The following CSAG1 variants were observed in gnomAD, a reference collection of about 807,000 sequenced individuals.
The protein encoded by CSAG1 is chondrosarcoma associated gene 1, also known as chondrosarcoma-associated gene 1 protein.
Under a neutral mutation model 4.8 loss-of-function variants are expected in CSAG1, and 4 were observed. The observed-to-expected ratio is 0.83, with a 90% CI of 0.41 to 1.90. The LOEUF is 1.90. Ranked by LOEUF, CSAG1 falls within the 40% of genes most tolerant of loss-of-function variation. CSAG1 has a pLI of 0.03. For synonymous variants in CSAG1, 21 were observed against 23.1 expected (o/e 0.91, Z 0.26); for missense variants, 69 against 59.5 (o/e 1.16, Z -0.53).
chrX:152,728,094 G>A lies in CSAG1; in HGVS notation c.147C>T (p.Asn49=), dbSNP rs201876450. 17 of 1,208,921 alleles carry A rather than the reference G, an allele frequency of 1.4e-5. No homozygotes were observed. The highest frequency in any genetic ancestry group is 4.6e-4 in the Middle Eastern group (2 of 4,370). Residue 49 remains asparagine (N), a synonymous_variant, in exon 3 of 4, where the codon AAC becomes AAT. Transcript: ENST00000452779. ...CTCGCCTCTTTGGTGTTGATGGGTG[G>A]TTGTTGGAAAATGGGCTGGAGGCTC... The part of the protein sequence containing the change: ...KPRASSPFSN[N]HPSTPKRFPR...
rs200040264 is a variant in CSAG1, at chrX:152,732,451, T to C, written c.10A>G (p.Thr4Ala). 8.5e-5 allele frequency: 103 copies of C among 1,205,560 alleles called. No individual in the cohort carries two copies. In the East Asian group the frequency reaches 1.7e-3, roughly 20 times the overall value. MSA[T>A]TACWPAFTVL... ...TTACAATTTAGTGCCTTACCTGTAGTCGCCGACATTACAAGCAAATTTGGG... is the reference window on the plus strand; with the variant it reads ...TTACAATTTAGTGCCTTACCTGTAGCCGCCGACATTACAAGCAAATTTGGG... The change falls in exon 2 of 4, where the codon ACT (threonine) becomes GCT (alanine). Residue 4 changes from threonine (T) to alanine (A), a missense_variant. Coordinates refer to ENST00000452779, the MANE Select transcript of CSAG1 (RefSeq NM_001102576.3).
chrX:152,732,213 C>A (rs1315894305), intron 2 of CSAG1, among the ~76,000 whole-genome samples: 2 of 112,373 alleles, frequency 1.8e-5, no homozygotes, highest in African/African-American at 6.5e-5. Context: ...CTAACTACAG[C>A]AATTAATAGA....
At chrX:152,729,609 A>G (rs1932110720) in intron 2 of CSAG1, among the ~76,000 whole-genome samples, 1 of 112,171 alleles carries the variant, frequency 8.9e-6, no homozygotes, top group Non-Finnish European at 1.9e-5. Context: ...TAAATGTACT[A>G]AGCGTGTTTT....
chrX:152,732,838 AT>A (rs1932190772), intron 1 of CSAG1, among the ~76,000 whole-genome samples: 1 of 112,029 alleles, frequency 8.9e-6, no homozygotes, highest in Non-Finnish European at 1.9e-5. Flanking sequence ...TTAAGGCAGC[AT>A]GGCTCCAGAG....
rs1286426326 is a variant in CSAG1 at position 152,728,164 on chromosome X, C to T, written c.77G>A (p.Arg26Lys). The T allele has an allele frequency of 1.7e-6, 2 of 1,209,368 alleles. No individual in the cohort carries two copies. The highest frequency in any genetic ancestry group is 2.2e-6 in the Non-Finnish European group (2 of 895,022). ...CACCAGACCAGTGTCTCTGTACAGT[C>T]TACTCCAGTCCACCTGGTCTCCCCG... ...EARGDQVDWS[R>K]LYRDTGLVKM... Residue 26 changes from arginine to lysine, a missense_variant, in exon 3 of 4, where the codon AGA (arginine) becomes AAA (lysine). Transcript: ENST00000452779.
In CSAG1 at chrX:152,727,860, G is replaced by A; in HGVS notation, c.171C>T (p.Phe57=). The A allele has an allele frequency of 1.7e-6, 2 of 1,210,448 alleles. No individual in the cohort carries two copies. The highest frequency in any genetic ancestry group is 3.0e-5 in the East Asian group (1 of 33,843). ...SNNHPSTPKR[F]PRQPRREKGP... ...CCTTTTCCCTTCTGGGTTGTCTTGG[G>A]AACCTGGAAAGCCAACAGGGAGATC... Residue 57 remains phenylalanine, a synonymous_variant, in exon 4 of 4, where the codon TTC becomes TTT. Coordinates refer to ENST00000452779, the MANE Select transcript of CSAG1 (RefSeq NM_001102576.3).
chrX:152,730,545 G>T (rs1932135921), intron 2 of CSAG1, among the ~76,000 whole-genome samples: 1 of 111,583 alleles, frequency 9.0e-6, no homozygotes, highest in Admixed American at 9.5e-5. Flanking sequence ...AAAGGCAGGT[G>T]TCTAGGAACT....
chrX:152,729,622 C>T (rs1425808095), intron 2 of CSAG1, among the ~76,000 whole-genome samples: 1 of 111,820 alleles, frequency 8.9e-6, no homozygotes, highest in Admixed American at 9.5e-5. Flanking sequence ...CGTGTTTTGT[C>T]ATTAGATAAT....
At chrX:152,732,635 C>T in intron 1 of CSAG1, 131 bp from the exon 2 acceptor site, 1 of 824,363 alleles carries the variant, frequency 1.2e-6, no homozygotes, top group East Asian at 3.3e-5. Context: ...TGACACTTGC[C>T]GTGTCGGTTA....
chrX:152,729,206 C>T (rs1932098464), intron 2 of CSAG1, among the ~76,000 whole-genome samples: 1 of 110,901 alleles, frequency 9.0e-6, no homozygotes, highest in Non-Finnish European at 1.9e-5. Flanking sequence ...CTTACATATT[C>T]CATGAAAACT....
rs2124962395 is a variant in CSAG1 at position 152,727,827 on chromosome X, G to C, written c.204C>G (p.Val68=). 1.7e-6 allele frequency: 2 copies of C among 1,211,231 alleles called. No homozygotes were observed. Among genetic ancestry groups the C allele is most frequent in the Non-Finnish European group, 2.2e-6 (2 of 895,021 alleles). ...PRQPRREKGP[V]KEVPGTKGSP ...AGCCTTTTGTTCCTGGAACTTCCTTGACGGGTCCCTTTTCCCTTCTGGGTT... is the reference window on the plus strand; with the variant it reads ...AGCCTTTTGTTCCTGGAACTTCCTTCACGGGTCCCTTTTCCCTTCTGGGTT... The change falls in exon 4 of 4, where the codon GTC becomes GTG. Residue 68 remains valine (V), a synonymous_variant. Coordinates refer to ENST00000452779, the MANE Select transcript of CSAG1 (RefSeq NM_001102576.3).
At chrX:152,731,785 G>T (rs1556228180) in intron 2 of CSAG1, among the ~76,000 whole-genome samples, 1 of 111,090 alleles carries the variant, frequency 9.0e-6, no homozygotes, top group African/African-American at 3.3e-5. Context: ...GAAAAAATTT[G>T]ATCCTGTCAA....
intron 1 of CSAG1, 76 bp from the exon 2 acceptor site, chrX:152,732,580 A>G (rs1932183306): frequency 8.9e-7 from 1 of 1,122,997 alleles, no homozygotes; most frequent in Admixed American, 2.3e-5. Flanking sequence ...AAACAGGGCC[A>G]GTCCAGGGTG....
In CSAG1 at chrX:152,728,189, G is replaced by C. The variant is rs1556830822; in HGVS notation, c.52C>G (p.Arg18Gly). The change falls in exon 3 of 4, where the codon CGG becomes GGG. Residue 18 changes from arginine (R) to glycine (G), a missense_variant. Coordinates refer to ENST00000452779, the MANE Select transcript of CSAG1 (RefSeq NM_001102576.3). ...CTACTCCAGTCCACCTGGTCTCCCC[G>C]AGCTTCCCCCAGGACAGTGAAGGCA... ...WPAFTVLGEA[R>G]GDQVDWSRLY... 9 of 1,209,269 alleles carry C rather than the reference G, an allele frequency of 7.4e-6. No homozygotes were observed. Among genetic ancestry groups the C allele is most frequent in the African/African-American group, 5.3e-5 (3 of 56,961 alleles).
chrX:152,732,530 A>C (rs1932181301), intron 1 of CSAG1, 26 bp from the exon 2 acceptor site: 1 of 1,204,917 alleles, frequency 8.3e-7, no homozygotes, highest in Admixed American at 2.2e-5. Flanking sequence ...ATGGAAACAG[A>C]AAGTAAAAAA....
chrX:152,732,946 A>T (rs1932193183), intron 1 of CSAG1: 1 of 126,180 alleles, frequency 7.9e-6, no homozygotes, highest in South Asian at 2.7e-4. Flanking sequence ...ATAGAAGTAG[A>T]TTAGGATAGT....
chrX:152,728,081 G>T lies in CSAG1; in HGVS notation c.160C>A (p.Pro54Thr), dbSNP rs1556830737. ...SPFSNNHPST[P>T]KRFPRQPRRE... is the part of the protein sequence containing the mutation. ...TGCTTTCCCCTTCCTCGCCTCTTTG[G>T]TGTTGATGGGTGGTTGTTGGAAAAT... Residue 54 changes from proline to threonine, a missense_variant, in exon 3 of 4, where the codon CCA becomes ACA. Coordinates refer to ENST00000452779, the MANE Select transcript of CSAG1 (RefSeq NM_001102576.3). The T allele has an allele frequency of 1.1e-5, 13 of 1,208,854 alleles. No individual in the cohort carries two copies. Among genetic ancestry groups the T allele is most frequent in the Non-Finnish European group, 1.5e-5 (13 of 894,927 alleles).
At position 152,733,434 on chromosome X, in the gene CSAG1, C is replaced by G. The variant is rs782016652; in HGVS notation, c.-45+234G>C. On this transcript the variant is annotated intron_variant, in intron 1 of 3. Coordinates refer to ENST00000452779, the MANE Select transcript of CSAG1 (RefSeq NM_001102576.3). ...AGGCAATAATGTCACCCCGACCACA[C>G]CCCTCCCCCAGTGCCACTTCAGGGG... is the stretch of plus-strand genomic sequence containing the variant. Among the ~76,000 whole-genome samples the G allele has an allele frequency of 3.6e-5, 4 of 111,531 alleles. No homozygotes were observed. In the South Asian group the frequency reaches 1.5e-3, roughly 43 times the overall value.
chrX:152,732,923 C>T (rs1343984817), intron 1 of CSAG1: 6 of 130,434 alleles, frequency 4.6e-5, no homozygotes, highest in Non-Finnish European at 9.2e-5. Flanking sequence ...TTCAACAGAA[C>T]ACAAAGACTG....
Sources: allele counts gnomAD v4.1 joint callset (sites outside exome capture counted in the v4.1 genomes callset), GRCh38; gene constraint gnomAD v4.1.1; transcripts MANE v1.5; gene names NCBI Gene and HGNC (gene_info 2026-07-23, HGNC 2026-07-21).